The following CDH23 variants were observed in gnomAD, a reference collection of about 807,000 sequenced individuals.
CDH23 encodes cadherin related 23.
A neutral mutation model predicts 317.1 loss-of-function variants in CDH23; 189 were observed. That is an observed-to-expected ratio of 0.60 (90% CI 0.53 to 0.67). The LOEUF (loss-of-function observed/expected upper bound fraction) is 0.67. CDH23 is among the 30% of genes least tolerant of loss of function. The pLI, the probability that CDH23 is intolerant of heterozygous loss-of-function variation, is 0.00. For synonymous variants in CDH23, 1,839 were observed against 1,876.8 expected (o/e 0.98, Z 0.52); for missense variants, 4,401 against 4,592.4 (o/e 0.96, Z 1.20).
intron 3 of CDH23, among the ~76,000 whole-genome samples, chr10:71,452,332 A>G (rs1850486970): frequency 6.6e-6 from 1 of 152,130 alleles, no homozygotes; most frequent in Non-Finnish European, 1.5e-5. Flanking sequence ...TTCCTGCCAC[A>G]GTGGTAACCG....
intron 6 of CDH23, among the ~76,000 whole-genome samples, chr10:71,562,440 G>A (rs1015280539): frequency 6.6e-6 from 1 of 152,228 alleles, no homozygotes; most frequent in Non-Finnish European, 1.5e-5. Context: ...CCAGCCTCGG[G>A]TGGCGGGCAC....
At position 71,778,064 on chromosome 10, in the gene CDH23, G is replaced by T. The variant is rs10999996; in HGVS notation, c.5068-125G>T. On this transcript the variant is annotated intron_variant, in intron 39 of 69. Coordinates refer to ENST00000224721, the MANE Select transcript of CDH23 (RefSeq NM_022124.6). ...AAAAGTTTGGTGGAGTGGAGCCTGGGCTAGGGGGTGGCAGTGGTTCCCCAT... is the reference window on the plus strand; with the variant it reads ...AAAAGTTTGGTGGAGTGGAGCCTGGTCTAGGGGGTGGCAGTGGTTCCCCAT... The T allele has an allele frequency of 0.2, 297,299 of 1,464,650 alleles. 30,937 individuals carry two copies. Among genetic ancestry groups the T allele is most frequent in the East Asian group, 0.22 (8,961 of 40,502 alleles). 90.7% of individuals were successfully genotyped at this position (1,464,650 alleles called of 1,614,324 possible). A position where few individuals can be genotyped will look rare whatever the true frequency, so the allele number is the denominator to read the frequency against.
At chr10:71,557,730 C>T (rs1856939695) in intron 6 of CDH23, among the ~76,000 whole-genome samples, 1 of 152,134 alleles carries the variant, frequency 6.6e-6, no homozygotes, top group African/African-American at 2.4e-5. Flanking sequence ...AGTGTTTCAG[C>T]CTATAGTGTC....
chr10:71,487,808 C>A (rs1251621223), intron 3 of CDH23, among the ~76,000 whole-genome samples: 1 of 152,152 alleles, frequency 6.6e-6, no homozygotes, highest in Non-Finnish European at 1.5e-5. Flanking sequence ...GGAGGATAAC[C>A]AGTCATCATC....
intron 34 of CDH23, 111 bp from the exon 35 acceptor site, chr10:71,738,387 G>A: frequency 7.7e-7 from 1 of 1,302,082 alleles, no homozygotes. Context: ...GTTTGCTGAT[G>A]TTCCAGAACC....
In CDH23 at chr10:71,806,185, C is replaced by T. The variant is rs1448474027; in HGVS notation, c.8082C>T (p.Ser2694=). 7 of 1,564,764 alleles carry T rather than the reference C, an allele frequency of 4.5e-6. No homozygotes were observed. The highest frequency in any genetic ancestry group is 1.2e-5 in the South Asian group (1 of 85,020). ...QAVYSLILVA[S]DLGQPVPYET... is the part of the protein sequence containing the mutation. ...GCTCCTAGCTCATCTTGGTGGCCAGCGACCTGGGCCAGCCAGTGCCATACG... is the reference window on the plus strand; with the variant it reads ...GCTCCTAGCTCATCTTGGTGGCCAGTGACCTGGGCCAGCCAGTGCCATACG... Residue 2694 remains serine (S), a synonymous_variant, in exon 57 of 70, where the codon AGC becomes AGT. Coordinates refer to ENST00000224721, the MANE Select transcript of CDH23 (RefSeq NM_022124.6).
intron 8 of CDH23, among the ~76,000 whole-genome samples, chr10:71,571,549 C>T (rs896199742): frequency 4.6e-5 from 7 of 152,228 alleles, no homozygotes; most frequent in South Asian, 4.1e-4. Flanking sequence ...AAACATGCCT[C>T]GGCCCACTCT....
rs142902070 is a variant in CDH23, at chr10:71,582,594, C to T, written c.832+4602C>T. Reference sequence around the variant, plus strand: ...CTTCTGCCACTGACCAGCTGCATAACCTTCTAAGCATCCGTTTTCCAATCT... The same window carrying T: ...CTTCTGCCACTGACCAGCTGCATAATCTTCTAAGCATCCGTTTTCCAATCT... On this transcript the variant is annotated intron_variant, in intron 9 of 69. Transcript: ENST00000224721. Among the ~76,000 whole-genome samples, 1,179 of 152,304 alleles carry T rather than the reference C, an allele frequency of 7.7e-3. 21 individuals carry two copies. The highest frequency in any genetic ancestry group is 0.027 in the African/African-American group (1,123 of 41,572).
chr10:71,670,591 G>A (rs1864104302), intron 14 of CDH23, among the ~76,000 whole-genome samples: 1 of 152,160 alleles, frequency 6.6e-6, no homozygotes, highest in Non-Finnish European at 1.5e-5. Flanking sequence ...AGTTACAGAA[G>A]GAAAGGATAG....
Position 71,404,260 on chromosome 10 carries a change from C to G in CDH23, c.-6+6942C>G, listed in dbSNP as rs78273496. Among the ~76,000 whole-genome samples the G allele has an allele frequency of 2.0e-3, 299 of 152,242 alleles. 3 individuals carry two copies. Among genetic ancestry groups the G allele is most frequent in the African/African-American group, 6.5e-3 (272 of 41,530 alleles). Reference sequence around the variant, plus strand: ...GTGCCTTGGCAGGCTCTCTTATGCCCCCTCCCACCCCATGTTATCCCACTC... The same window carrying G: ...GTGCCTTGGCAGGCTCTCTTATGCCGCCTCCCACCCCATGTTATCCCACTC... On this transcript the variant is annotated intron_variant, in intron 1 of 69. Coordinates refer to ENST00000224721, the MANE Select transcript of CDH23 (RefSeq NM_022124.6).
At chr10:71,417,841 C>T (rs77176593) in intron 1 of CDH23, among the ~76,000 whole-genome samples, 5,788 of 152,268 alleles carry the variant, frequency 0.038, 353 homozygotes, top group African/African-American at 0.13. Context: ...AACTCATGAG[C>T]TCAAATGATC....
In CDH23 at chr10:71,810,029, CT is replaced by C. The variant is rs1304186224; in HGVS notation, c.8933del (p.Leu2978ArgfsTer25). The C allele has an allele frequency of 6.2e-7, 1 of 1,612,714 alleles. No individual in the cohort carries two copies. The highest frequency in any genetic ancestry group is 8.5e-7 in the Non-Finnish European group (1 of 1,179,876). On this transcript the variant is annotated frameshift_variant, in exon 61 of 70. Coordinates refer to ENST00000224721, the MANE Select transcript of CDH23 (RefSeq NM_022124.6). LOFTEE classifies it high-confidence loss of function. The part of the protein sequence containing the change: ...VRGFEEEFIH[L>X]LSNITGAIVN... ...CGGCTTCGAGGAGGAGTTCATCCAC[CT>C]GCTCTCCAACATCACTGGGGCCATT...
At position 71,455,089 on chromosome 10, in the gene CDH23, G is replaced by T. The variant is rs563752606; in HGVS notation, c.145+8694G>T. ...ACTCCTGGCTTTAAGCAATCCTCCT[G>T]CCTTGGCCTCCCAAAGCACTGAGAT... On this transcript the variant is annotated intron_variant, in intron 3 of 69. Transcript: ENST00000224721. Among the ~76,000 whole-genome samples, 124 of 152,230 alleles carry T rather than the reference G, an allele frequency of 8.1e-4. 1 individual carries two copies. Among genetic ancestry groups the T allele is most frequent in the South Asian group, 3.1e-3 (15 of 4,824 alleles).
intron 14 of CDH23, among the ~76,000 whole-genome samples, chr10:71,662,885 T>C (rs1239940451): frequency 2.0e-5 from 3 of 152,224 alleles, no homozygotes; most frequent in Non-Finnish European, 2.9e-5. Flanking sequence ...CTGGCAGGGC[T>C]GTCCTTCCTC....
At chr10:71,575,628 C>T (rs1858134347) in intron 8 of CDH23, among the ~76,000 whole-genome samples, 1 of 152,174 alleles carries the variant, frequency 6.6e-6, no homozygotes, top group Non-Finnish European at 1.5e-5. Flanking sequence ...GGCAGAAGCC[C>T]TTGGCAGGTC....
At chr10:71,768,994 A>C (rs944089066) in intron 38 of CDH23, among the ~76,000 whole-genome samples, 23 of 152,188 alleles carry the variant, frequency 1.5e-4, no homozygotes, top group African/African-American at 5.3e-4. Context: ...CTCTCTAGAG[A>C]ATAGAGGTAG....
intron 9 of CDH23, among the ~76,000 whole-genome samples, chr10:71,608,940 G>A (rs1444901039): frequency 6.6e-6 from 1 of 152,166 alleles, no homozygotes; most frequent in African/African-American, 2.4e-5. Flanking sequence ...TTAGCCCAGC[G>A]GAGCAGACAA....
At chr10:71,763,712 T>C (rs766680510) in intron 38 of CDH23, among the ~76,000 whole-genome samples, 1 of 152,230 alleles carries the variant, frequency 6.6e-6, no homozygotes, top group Non-Finnish European at 1.5e-5. Flanking sequence ...TAGTAATAAT[T>C]CACATGAAGT....
chr10:71,611,122 G>A (rs1051573534), intron 9 of CDH23, among the ~76,000 whole-genome samples: 8 of 148,552 alleles, frequency 5.4e-5, no homozygotes, highest in South Asian at 2.1e-4. Flanking sequence ...CCAGAAGGCC[G>A]ACACGGAGGT....
Sources: allele counts gnomAD v4.1 joint callset (sites outside exome capture counted in the v4.1 genomes callset), GRCh38; gene constraint gnomAD v4.1.1; transcripts MANE v1.5; gene names NCBI Gene and HGNC (gene_info 2026-07-23, HGNC 2026-07-21).